The following ZKSCAN2 variants were observed in gnomAD, a reference collection of about 807,000 sequenced individuals.
The protein encoded by ZKSCAN2 is zinc finger with KRAB and SCAN domains 2.
ZKSCAN2 carries 38 observed loss-of-function variants against 90.5 expected under a neutral mutation model. The observed-to-expected ratio is 0.42, with a 90% confidence interval of 0.32 to 0.55. The LOEUF (loss-of-function observed/expected upper bound fraction) is 0.55, where lower values mean the gene tolerates loss of function less well. Among genes scored for constraint, ZKSCAN2 ranks in the 20% least tolerant of loss-of-function variants. The pLI is 0.11. For synonymous variants in ZKSCAN2, 429 were observed against 421.6 expected, an observed-to-expected ratio of 1.02 and a Z score of -0.22; for missense variants, 1,167 against 1,202.6, an observed-to-expected ratio of 0.97 and a Z score of 0.44.
At chr16:25,241,857 A>C (rs1285341675) in intron 6 of ZKSCAN2, among the ~76,000 whole-genome samples, 1 of 152,136 alleles carries the variant, frequency 6.6e-6, no homozygotes, top group East Asian at 1.9e-4. Flanking sequence ...CTAGACACTT[A>C]AGTAAAAAGC....
chr16:25,253,962 C>T (rs182609581), intron 2 of ZKSCAN2, among the ~76,000 whole-genome samples: 44 of 152,270 alleles, frequency 2.9e-4, no homozygotes, highest in Admixed American at 9.2e-4. Flanking sequence ...GAGCTGAGAT[C>T]GTGCCACTGC....
chr16:25,246,451 G>T, intron 5 of ZKSCAN2: 1 of 529,708 alleles, frequency 1.9e-6, no homozygotes, highest in South Asian at 2.7e-5. Flanking sequence ...CCTTCCACAA[G>T]GACCCAAACA....
In ZKSCAN2 at chr16:25,255,011, C is replaced by T. The variant is rs566070908; in HGVS notation, c.586+195G>A. On this transcript the variant is annotated intron_variant, in intron 2 of 6. Coordinates refer to ENST00000328086, the MANE Select transcript of ZKSCAN2 (RefSeq NM_001012981.5). ...TAGAGACTGGGTTTTCCCATGTTGC[C>T]CAGACTCAGTTTCCATCTTTATGAT... Among the ~76,000 whole-genome samples the T allele has an allele frequency of 5.6e-4, 85 of 151,750 alleles. 3 individuals carry two copies. The South Asian group carries it at 0.017, about 30-fold the overall frequency.
rs765129270 is a variant in ZKSCAN2, at chr16:25,239,638, G to A, written c.*178C>T. ...AAAGGAGAAGCTGAGACACACAGAA[G>A]AGGAGGAACAGACTGATGAAGTTAG... On this transcript the variant is annotated 3_prime_UTR_variant, in exon 7 of 7. Coordinates refer to ENST00000328086, the MANE Select transcript of ZKSCAN2 (RefSeq NM_001012981.5). The A allele has an allele frequency of 8.8e-6, 5 of 565,222 alleles. No homozygotes were observed. Among genetic ancestry groups the A allele is most frequent in the South Asian group, 2.9e-5 (1 of 34,758 alleles). The allele number at this position is 565,222 out of a possible 1,614,324, so 35.0% of individuals were successfully genotyped here.
At chr16:25,243,736 TCA>T in intron 6 of ZKSCAN2, 47 bp downstream of exon 6, 1 of 1,062,296 alleles carries the variant, frequency 9.4e-7, no homozygotes, top group Non-Finnish European at 1.3e-6. Flanking sequence ...TTTCAGTAAA[TCA>T]CACTTATTCC....
chr16:25,252,472 G>T (rs1963035789), intron 3 of ZKSCAN2, among the ~76,000 whole-genome samples: 1 of 152,082 alleles, frequency 6.6e-6, no homozygotes, highest in African/African-American at 2.4e-5. Flanking sequence ...TTATACTCTT[G>T]TGGGGAGTAT....
intron 5 of ZKSCAN2, among the ~76,000 whole-genome samples, chr16:25,245,316 C>G (rs1962915487): frequency 6.6e-6 from 1 of 152,140 alleles, no homozygotes; most frequent in Admixed American, 6.5e-5. Context: ...TGTTGCCCAG[C>G]TGCTCTCAAA....
At chr16:25,251,437 AT>A (rs1317381171) in intron 4 of ZKSCAN2, among the ~76,000 whole-genome samples, 6 of 152,216 alleles carry the variant, frequency 3.9e-5, no homozygotes, top group Admixed American at 3.9e-4. Context: ...TATTTCATTA[AT>A]TAAAAAAAAC....
At chr16:25,242,291 A>C (rs987701914) in intron 6 of ZKSCAN2, among the ~76,000 whole-genome samples, 1 of 152,210 alleles carries the variant, frequency 6.6e-6, no homozygotes, top group African/African-American at 2.4e-5. Context: ...AGCTCACTTT[A>C]AAAACAAGAT....
intron 4 of ZKSCAN2, among the ~76,000 whole-genome samples, chr16:25,249,006 T>C (rs1962979084): frequency 6.6e-6 from 1 of 152,092 alleles, no homozygotes; most frequent in Non-Finnish European, 1.5e-5. Flanking sequence ...ATGGAGAACA[T>C]TATGTTAACT....
intron 4 of ZKSCAN2, among the ~76,000 whole-genome samples, chr16:25,250,623 C>G (rs1326021049): frequency 1.1e-5 from 1 of 93,666 alleles, no homozygotes; most frequent in African/African-American, 4.1e-5. Context: ...TCTCAACACA[C>G]ACATACATAA....
At chr16:25,242,036 A>G (rs1057056977) in intron 6 of ZKSCAN2, among the ~76,000 whole-genome samples, 38 of 151,964 alleles carry the variant, frequency 2.5e-4, no homozygotes, top group Non-Finnish European at 1.9e-4. Context: ...CTCCCAGCTA[A>G]TTTTTTATTT....
rs763643043 is a variant in ZKSCAN2 at position 25,243,832 on chromosome 16, T to C, written c.1934A>G (p.Gln645Arg). The C allele has an allele frequency of 7.4e-6, 12 of 1,614,106 alleles. No individual in the cohort carries two copies. Among genetic ancestry groups the C allele is most frequent in the Middle Eastern group, 1.7e-4 (1 of 6,060 alleles). The change falls in exon 6 of 7, where the codon CAA (glutamine) becomes CGA (arginine). Residue 645 changes from glutamine (Q) to arginine (R), a missense_variant. Coordinates refer to ENST00000328086, the MANE Select transcript of ZKSCAN2 (RefSeq NM_001012981.5). ...TGGAGGTCCCTGGAACTCTGGCTCT[T>C]GCACAATTTCCTCCTCGCTCATTCT... Reference protein sequence around the residue: ...SERMSEEEIVQEPEFQGPPGL... With the variant: ...SERMSEEEIVREPEFQGPPGL...
chr16:25,252,653 C>T (rs187239427), intron 3 of ZKSCAN2, among the ~76,000 whole-genome samples: 6 of 152,210 alleles, frequency 3.9e-5, no homozygotes, highest in Admixed American at 1.3e-4. Flanking sequence ...GTAGCTCACA[C>T]CTGTAATCCC....
At position 25,252,971 on chromosome 16, in the gene ZKSCAN2, G is replaced by C. The variant is rs183473588; in HGVS notation, c.653C>G (p.Thr218Ser). 1.2e-6 allele frequency: 2 copies of C among 1,613,906 alleles called. No individual in the cohort carries two copies. The highest frequency in any genetic ancestry group is 3.3e-5 in the Admixed American group (2 of 60,016). Residue 218 changes from threonine (T) to serine (S), a missense_variant, in exon 3 of 7, where the codon ACC (threonine) becomes AGC (serine). Physicochemically the swap from Thr to Ser is moderately conservative, Grantham distance 58 (BLOSUM62 1). Coordinates refer to ENST00000328086, the MANE Select transcript of ZKSCAN2 (RefSeq NM_001012981.5). ...EWNTLDQEVT[T>S]TRLPAGSQEP... Reference sequence around the variant, plus strand: ...CTGGGACCCAGCAGGAAGCCGTGTGGTTGTCACTTCCTGATCTAGGGTATT... The same window carrying C: ...CTGGGACCCAGCAGGAAGCCGTGTGCTTGTCACTTCCTGATCTAGGGTATT...
intron 1 of ZKSCAN2, among the ~76,000 whole-genome samples, chr16:25,255,606 A>T (rs1451809552): frequency 2.0e-5 from 3 of 152,148 alleles, no homozygotes; most frequent in Admixed American, 6.5e-5. Flanking sequence ...TCTGAGACAG[A>T]GTTTCACTTT....
intron 1 of ZKSCAN2, 102 bp from the exon 2 acceptor site, chr16:25,255,494 G>GTT: frequency 1.5e-6 from 2 of 1,306,578 alleles, no homozygotes; most frequent in Non-Finnish European, 2.1e-6. Flanking sequence ...ACATGAGAAG[G>GTT]AATGAAAATT....
chr16:25,257,159 C>T lies in ZKSCAN2; in HGVS notation c.-32G>A, dbSNP rs1206672592. 9 of 1,550,448 alleles carry T rather than the reference C, an allele frequency of 5.8e-6. No homozygotes were observed. In the South Asian group the frequency reaches 1.1e-4, roughly 19 times the overall value. ...GCCCAGGGGTCAACTTCACGTCTAG[C>T]TCAAGGTGGGGACCCAAAGAAGACT... On this transcript the variant is annotated 5_prime_UTR_variant, in exon 1 of 7. Coordinates refer to ENST00000328086, the MANE Select transcript of ZKSCAN2 (RefSeq NM_001012981.5).
chr16:25,245,482 T>C (rs1274719153), intron 5 of ZKSCAN2, among the ~76,000 whole-genome samples: 1 of 152,190 alleles, frequency 6.6e-6, no homozygotes, highest in Non-Finnish European at 1.5e-5. Context: ...TAAGAATTTA[T>C]AGGCTGGGTG....
Sources: gnomAD v4.1 joint callset for allele counts (sites outside exome capture counted in the v4.1 genomes callset) on GRCh38, gnomAD v4.1.1 for gene constraint, MANE v1.5 for transcripts, NCBI Gene and HGNC (gene_info 2026-07-23, HGNC 2026-07-21) for gene names.